The following ARHGAP15 variants were observed in gnomAD, a reference collection of about 807,000 sequenced individuals.
The protein encoded by ARHGAP15 is Rho GTPase activating protein 15.
In ARHGAP15, 51 loss-of-function variants were observed where a neutral mutation model predicts 63.7. The observed-to-expected ratio is 0.80, with a 90% CI of 0.64 to 1.01. The LOEUF (loss-of-function observed/expected upper bound fraction) is 1.01, where lower values mean the gene tolerates loss of function less well. Among genes scored for constraint, ARHGAP15 ranks in the 50% least tolerant of loss-of-function variants. The pLI is 0.00. For synonymous variants in ARHGAP15, 191 were observed against 193.8 expected, an observed-to-expected ratio of 0.99 and a Z score of 0.12; for missense variants, 560 against 564.6, an observed-to-expected ratio of 0.99 and a Z score of 0.08.
At chr2:143,561,467 A>C (rs1013978827) in intron 11 of ARHGAP15, among the ~76,000 whole-genome samples, 1 of 152,148 alleles carries the variant, frequency 6.6e-6, no homozygotes, top group African/African-American at 2.4e-5. Flanking sequence ...GAACTGAAGA[A>C]AATTACTTCT....
chr2:143,227,837 A>G (rs1230044087), intron 4 of ARHGAP15, among the ~76,000 whole-genome samples: 5 of 152,160 alleles, frequency 3.3e-5, no homozygotes, highest in Non-Finnish European at 7.4e-5. Context: ...ATTTCTCTAG[A>G]ATAAATTTAA....
chr2:143,385,856 GTATTAA>G (rs747892092), intron 6 of ARHGAP15, among the ~76,000 whole-genome samples: 2 of 152,082 alleles, frequency 1.3e-5, no homozygotes, highest in Admixed American at 1.3e-4. Context: ...ATTCATATCT[GTATTAA>G]TATTAAGATA....
chr2:143,758,445 TC>T (rs570378119), intron 13 of ARHGAP15, among the ~76,000 whole-genome samples: 4 of 151,972 alleles, frequency 2.6e-5, no homozygotes, highest in Non-Finnish European at 4.4e-5. Context: ...ACTTTTTTTT[TC>T]CCAAAAGACC....
chr2:143,156,460 TGGG>T (rs1690083036), intron 2 of ARHGAP15, among the ~76,000 whole-genome samples: 1 of 151,940 alleles, frequency 6.6e-6, no homozygotes, highest in Admixed American at 6.6e-5. Flanking sequence ...ATAGGTTAGC[TGGG>T]GACAGGCTGA....
In ARHGAP15 at chr2:143,329,440, C is replaced by A. The variant is rs145204500; in HGVS notation, c.474+78840C>A. Among the ~76,000 whole-genome samples, 553 of 152,198 alleles carry A rather than the reference C, an allele frequency of 3.6e-3. 6 individuals are homozygous for A. Among genetic ancestry groups the A allele is most frequent in the African/African-American group, 0.012 (508 of 41,516 alleles). On this transcript the variant is annotated intron_variant, in intron 6 of 13. Transcript: ENST00000295095. ...GGGGTGGCCTCTGGGAGGTGAGGGC[C>A]TCAGCCTCAAAACCACAGGAGGTGA...
At chr2:143,574,623 TGA>T (rs1346874071) in intron 11 of ARHGAP15, among the ~76,000 whole-genome samples, 10 of 152,178 alleles carry the variant, frequency 6.6e-5, no homozygotes, top group African/African-American at 2.4e-4. Context: ...CACTTGGTTA[TGA>T]CGAGCAGGGA....
chr2:143,765,680 C>T (rs1276025110), intron 13 of ARHGAP15, among the ~76,000 whole-genome samples: 3 of 152,110 alleles, frequency 2.0e-5, no homozygotes, highest in South Asian at 2.1e-4. Context: ...GACCTTCTTA[C>T]GATGGATCGT....
intron 13 of ARHGAP15, among the ~76,000 whole-genome samples, chr2:143,742,694 C>T (rs956222078): frequency 6.6e-6 from 1 of 152,162 alleles, no homozygotes; most frequent in Non-Finnish European, 1.5e-5. Flanking sequence ...AGGTGTTTTG[C>T]GTGCTAGCCT....
chr2:143,717,951 A>G (rs1684882648), intron 13 of ARHGAP15, among the ~76,000 whole-genome samples: 2 of 151,652 alleles, frequency 1.3e-5, no homozygotes, highest in South Asian at 4.2e-4. Flanking sequence ...GTCCGATGGT[A>G]GCCCACGCAA....
At chr2:143,394,092 C>T (rs946735810) in intron 6 of ARHGAP15, among the ~76,000 whole-genome samples, 2 of 152,160 alleles carry the variant, frequency 1.3e-5, no homozygotes, top group African/African-American at 4.8e-5. Flanking sequence ...ACACAGTGAT[C>T]ACTAAATAAG....
intron 11 of ARHGAP15, among the ~76,000 whole-genome samples, chr2:143,567,227 A>G (rs1467728754): frequency 1.3e-5 from 2 of 152,022 alleles, no homozygotes; most frequent in Non-Finnish European, 2.9e-5. Context: ...GCATCTATGT[A>G]AGCAAGACCT....
chr2:143,761,909 T>C lies in ARHGAP15; in HGVS notation c.1245-6080T>C, dbSNP rs186761549. On this transcript the variant is annotated intron_variant, in intron 13 of 13. Transcript: ENST00000295095. ...AGCTCCTGTTAGAAAACTGAATTCT[T>C]ACTCATTCTAAGATTTTATAAACTT... Among the ~76,000 whole-genome samples the C allele has an allele frequency of 3.3e-5, 5 of 152,286 alleles. No individual in the cohort carries two copies. The East Asian group carries it at 9.6e-4, about 29-fold the overall frequency.
intron 12 of ARHGAP15, among the ~76,000 whole-genome samples, chr2:143,626,883 T>C (rs1047976261): frequency 6.6e-6 from 1 of 152,136 alleles, no homozygotes; most frequent in African/African-American, 2.4e-5. Context: ...AAAATGTATA[T>C]GTTGAAGTTC....
chr2:143,565,429 A>G (rs1288820689), intron 11 of ARHGAP15, among the ~76,000 whole-genome samples: 1 of 152,212 alleles, frequency 6.6e-6, no homozygotes, highest in African/African-American at 2.4e-5. Context: ...AGTGCCTGCC[A>G]CTTTGAATGT....
chr2:143,509,212 A>G (rs1289127043), intron 9 of ARHGAP15, among the ~76,000 whole-genome samples: 1 of 152,192 alleles, frequency 6.6e-6, no homozygotes, highest in Non-Finnish European at 1.5e-5. Context: ...AAAAATATAA[A>G]TAAACATGTG....
chr2:143,206,610 G>C (rs1202937893), intron 3 of ARHGAP15, among the ~76,000 whole-genome samples: 1 of 151,940 alleles, frequency 6.6e-6, no homozygotes, highest in African/African-American at 2.4e-5. Flanking sequence ...CACTAAAATT[G>C]CCTATTTCCT....
intron 11 of ARHGAP15, among the ~76,000 whole-genome samples, chr2:143,617,353 ACAGACTGGGTGGTT>A (rs1698489723): frequency 6.6e-6 from 1 of 152,196 alleles, no homozygotes; most frequent in South Asian, 2.1e-4. Context: ...CTAAAGTACC[ACAGACTGGGTGGTT>A]TAAACACCAG....
chr2:143,730,368 G>A (rs1574902488), intron 13 of ARHGAP15, among the ~76,000 whole-genome samples: 3 of 151,568 alleles, frequency 2.0e-5, no homozygotes, highest in Admixed American at 6.6e-5. Flanking sequence ...TCACAAAAGG[G>A]TGTTTCCCGT....
At position 143,183,436 on chromosome 2, in the gene ARHGAP15, G is replaced by A. The variant is rs549309356; in HGVS notation, c.166-18698G>A. On this transcript the variant is annotated intron_variant, in intron 2 of 13. Transcript: ENST00000295095. ...AAGCCATGTTTTTTCTGGGTAGTGG[G>A]AACAACAATCAATCAGGAAAGTGAA... Among the ~76,000 whole-genome samples, 6 of 152,222 alleles carry A rather than the reference G, an allele frequency of 3.9e-5. No homozygotes were observed. In the East Asian group the frequency reaches 7.7e-4, roughly 20 times the overall value.
Sources: allele counts gnomAD v4.1 joint callset (sites outside exome capture counted in the v4.1 genomes callset), GRCh38; gene constraint gnomAD v4.1.1; transcripts MANE v1.5; gene names NCBI Gene and HGNC (gene_info 2026-07-23, HGNC 2026-07-21).